The following PCDHGB2 variants were observed in gnomAD, a reference collection of about 807,000 sequenced individuals.
PCDHGB2 encodes the protein protocadherin gamma subfamily B, 2.
PCDHGB2 carries 55 observed loss-of-function variants against 59.3 expected under a neutral mutation model. The ratio of observed to expected loss-of-function variants is 0.93; its 90% confidence interval spans 0.75 to 1.16. The LOEUF (loss-of-function observed/expected upper bound fraction) is 1.16. Among genes scored for constraint, PCDHGB2 ranks in the 50% most tolerant of loss-of-function variants. The pLI is 0.00. For missense variants in PCDHGB2, 1,228 were observed against 1,198.5 expected, an observed-to-expected ratio of 1.02 and a Z score of -0.36; for synonymous variants, 516 against 512.0, an observed-to-expected ratio of 1.01 and a Z score of -0.11.
chr5:141,431,502 G>A lies in PCDHGB2; in HGVS notation c.2422-63305G>A, dbSNP rs749812839. ...CCAGCGTTTGCTCAGCCCGAGTACC[G>A]CGCGAGCGTTCCGGAGAATCTGGCC... On this transcript the variant is annotated intron_variant, in intron 1 of 3. Coordinates refer to ENST00000522605, the MANE Select transcript of PCDHGB2 (RefSeq NM_018923.3). This position sits in a 1 kb window ranked among gnomAD's most constrained non-coding sequence, Gnocchi z 4.8. 6 of 1,614,008 alleles carry A rather than the reference G, an allele frequency of 3.7e-6. No homozygotes were observed. In the East Asian group the frequency reaches 6.7e-5, roughly 18 times the overall value.
intron 1 of PCDHGB2, among the ~76,000 whole-genome samples, chr5:141,382,030 T>C (rs953371042): frequency 6.6e-6 from 1 of 151,856 alleles, no homozygotes; most frequent in African/African-American, 2.4e-5. Context: ...GGTTTCTCCA[T>C]GTTGGTCAGG....
intron 1 of PCDHGB2, chr5:141,428,158 G>C (rs776350833): frequency 3.8e-6 from 6 of 1,577,610 alleles, no homozygotes; most frequent in Non-Finnish European, 5.2e-6. Context: ...GGAACCTGCT[G>C]GTTGCTGTGC....
chr5:141,365,902 G>T, intron 1 of PCDHGB2: 1 of 1,614,256 alleles, frequency 6.2e-7, no homozygotes, highest in Non-Finnish European at 8.5e-7. Context: ...ACTATGAGCA[G>T]TTGAGAGACC....
chr5:141,500,207 T>G (rs932015076), intron 2 of PCDHGB2, among the ~76,000 whole-genome samples: 2 of 150,136 alleles, frequency 1.3e-5, no homozygotes, highest in African/African-American at 4.9e-5. Context: ...TTTATTTATT[T>G]ATTTATTTAT....
At position 141,486,368 on chromosome 5, in the gene PCDHGB2, T is replaced by C. The variant is rs1217513529; in HGVS notation, c.2422-8439T>C. 6.2e-7 allele frequency: 1 copy of C among 1,614,014 alleles called. No homozygotes were observed. Among genetic ancestry groups the C allele is most frequent in the Non-Finnish European group, 8.5e-7 (1 of 1,180,000 alleles). On this transcript the variant is annotated intron_variant, in intron 1 of 3. Coordinates refer to ENST00000522605, the MANE Select transcript of PCDHGB2 (RefSeq NM_018923.3). This position sits in a 1 kb window ranked among gnomAD's most constrained non-coding sequence, Gnocchi z 5.0. ...TGACCACTTGCCATTTGCCCTCAAGTCTGCCTTCAGGAACCAGTTCTCCCT... is the reference window on the plus strand; with the variant it reads ...TGACCACTTGCCATTTGCCCTCAAGCCTGCCTTCAGGAACCAGTTCTCCCT...
At chr5:141,441,790 A>G in intron 1 of PCDHGB2, 1 of 391,228 alleles carries the variant, frequency 2.6e-6, no homozygotes, top group South Asian at 2.0e-5. Context: ...CTGAATGACA[A>G]CGCACCGCGG....
At chr5:141,461,825 T>C (rs2099024418) in intron 1 of PCDHGB2, among the ~76,000 whole-genome samples, 1 of 151,778 alleles carries the variant, frequency 6.6e-6, no homozygotes, top group African/African-American at 2.4e-5. Context: ...AGCTAATTTT[T>C]TTTTCTTTTT....
chr5:141,374,357 CGCGAGGAGCTCTGT>C (rs1770415063), intron 1 of PCDHGB2: 2 of 1,613,900 alleles, frequency 1.2e-6, no homozygotes, highest in Non-Finnish European at 1.7e-6. Context: ...TAGGATAGAC[CGCGAGGAGCTCTGT>C]GCTCAGAGCC....
In PCDHGB2 at chr5:141,371,090, C is replaced by G. The variant is rs764906419; in HGVS notation, c.2421+8534C>G. The G allele has an allele frequency of 5.0e-6, 8 of 1,613,702 alleles. No homozygotes were observed. The East Asian group carries it at 1.8e-4, about 36-fold the overall frequency. On this transcript the variant is annotated intron_variant, in intron 1 of 3. Transcript: ENST00000522605. ...GTACCACCCAGATCAGGGTAATTGT[C>G]GCAGATGCAAATGATAACCCCCCAG...
intron 1 of PCDHGB2, among the ~76,000 whole-genome samples, chr5:141,405,997 C>T (rs1589599248): frequency 6.6e-6 from 1 of 151,926 alleles, no homozygotes; most frequent in Non-Finnish European, 1.5e-5. Context: ...TAGCTCTCAG[C>T]CTGCATTGAT....
chr5:141,361,788 A>C lies in PCDHGB2; in HGVS notation c.1653A>C (p.Leu551Phe). Residue 551 changes from leucine (L) to phenylalanine (F), a missense_variant, in exon 1 of 4, where the codon TTA becomes TTC. Leu to Phe is a conservative substitution (Grantham distance 22). Coordinates refer to ENST00000522605, the MANE Select transcript of PCDHGB2 (RefSeq NM_018923.3). ...ALSANVSLRV[L>F]VGDLNDNAPR... The stretch of plus-strand genomic sequence containing the variant: ...GCGCCAACGTGAGCCTGCGCGTGTT[A>C]GTGGGCGACCTCAATGACAATGCGC... 2 of 1,613,154 alleles carry C rather than the reference A, an allele frequency of 1.2e-6. No homozygotes were observed. Among genetic ancestry groups the C allele is most frequent in the Non-Finnish European group, 1.7e-6 (2 of 1,179,652 alleles).
Position 141,362,112 on chromosome 5 carries a change from G to A in PCDHGB2, c.1977G>A (p.Thr659=). Residue 659 remains threonine (T), a synonymous_variant, in exon 1 of 4, where the codon ACG becomes ACA. Coordinates refer to ENST00000522605, the MANE Select transcript of PCDHGB2 (RefSeq NM_018923.3). ...AGCCGCCACTCTCCGCTACGGCCAC[G>A]CTGCACCTAATCTTCGCGGATAGCC... The part of the protein sequence containing the change: ...GGQPPLSATA[T]LHLIFADSLQ... 1 of 1,613,988 alleles carries A rather than the reference G, an allele frequency of 6.2e-7. No homozygotes were observed. The highest frequency in any genetic ancestry group is 8.5e-7 in the Non-Finnish European group (1 of 1,179,906).
rs145897132 is a variant in PCDHGB2, at chr5:141,395,374, T to C, written c.2421+32818T>C. The stretch of plus-strand genomic sequence containing the variant: ...CAGAGTTTTGGGTTTATTTTGGTGG[T>C]GTTACTATAAAATTGAACTCTAATA... On this transcript the variant is annotated intron_variant, in intron 1 of 3. Coordinates refer to ENST00000522605, the MANE Select transcript of PCDHGB2 (RefSeq NM_018923.3). 327 of 1,187,896 alleles carry C rather than the reference T, an allele frequency of 2.8e-4. 1 individual carries two copies. The African/African-American group carries it at 4.3e-3, about 16-fold the overall frequency. The allele number at this position is 1,187,896 out of a possible 1,614,324, so 73.6% of individuals were successfully genotyped here.
In PCDHGB2 at chr5:141,461,259, T is replaced by C. The variant is rs114101293; in HGVS notation, c.2422-33548T>C. Among the ~76,000 whole-genome samples the C allele has an allele frequency of 4.2e-3, 640 of 152,290 alleles. 5 individuals are homozygous for C. The highest frequency in any genetic ancestry group is 0.015 in the African/African-American group (623 of 41,554). On this transcript the variant is annotated intron_variant, in intron 1 of 3. Coordinates refer to ENST00000522605, the MANE Select transcript of PCDHGB2 (RefSeq NM_018923.3). ...TACTAATTTATATTCCCAGCAGCAA[T>C]GTGTAAGTGTTCTCTTTTCCCCACA...
chr5:141,395,542 T>TTGTTTGTTTGTG (rs1267535064), intron 1 of PCDHGB2: 1 of 168,708 alleles, frequency 5.9e-6, no homozygotes, highest in African/African-American at 5.7e-5. Flanking sequence ...TTGCTATTGT[T>TTGTTTGTTTGTG]TGTGTGTGTG....
At chr5:141,388,250 G>A in intron 1 of PCDHGB2, 1 of 1,610,522 alleles carries the variant, frequency 6.2e-7, no homozygotes, top group Middle Eastern at 1.7e-4. Flanking sequence ...TGAATGTGGA[G>A]ATCGAGGACA....
At chr5:141,390,045 T>G in intron 1 of PCDHGB2, 1 of 1,614,076 alleles carries the variant, frequency 6.2e-7, no homozygotes, top group Non-Finnish European at 8.5e-7. Context: ...CAGCCCCGCC[T>G]CCTGGAGCTG....
intron 1 of PCDHGB2, chr5:141,405,091 C>G (rs761186505): frequency 8.1e-6 from 13 of 1,613,814 alleles, no homozygotes; most frequent in Non-Finnish European, 1.1e-5. Flanking sequence ...CGCTGCTGGC[C>G]CTCAGGCTGA....
At position 141,399,889 on chromosome 5, in the gene PCDHGB2, G is replaced by A. The variant is rs2093912508; in HGVS notation, c.2421+37333G>A. 2.5e-6 allele frequency: 4 copies of A among 1,612,576 alleles called. No homozygotes were observed. In the African/African-American group the frequency reaches 5.3e-5, roughly 22 times the overall value. On this transcript the variant is annotated intron_variant, in intron 1 of 3. Coordinates refer to ENST00000522605, the MANE Select transcript of PCDHGB2 (RefSeq NM_018923.3). Reference sequence around the variant, plus strand: ...GCCCGGCTACCTGGTGACCAAGGTAGTGGCCGTGGACGCAGACTCAGGACA... The same window carrying A: ...GCCCGGCTACCTGGTGACCAAGGTAATGGCCGTGGACGCAGACTCAGGACA...
Sources: gnomAD v4.1 joint callset for allele counts (sites outside exome capture counted in the v4.1 genomes callset) on GRCh38, gnomAD v4.1.1 for gene constraint, Gnocchi (gnomAD v3.1) non-coding constraint, MANE v1.5 for transcripts, NCBI Gene and HGNC (gene_info 2026-07-23, HGNC 2026-07-21) for gene names.